The following MFF variants were observed in gnomAD, a reference collection of about 807,000 sequenced individuals.
The protein encoded by MFF is chromosome 2 open reading frame 33.
MFF carries 12 observed loss-of-function variants against 36.9 expected under a neutral mutation model. The ratio of observed to expected loss-of-function variants is 0.33; its 90% CI spans 0.21 to 0.53. MFF has a LOEUF of 0.53. MFF is among the 20% of genes least tolerant of loss of function. The probability of loss-of-function intolerance (pLI) is 0.95; values close to 1 mark genes in which losing one functional copy is unlikely to be tolerated. For synonymous variants in MFF, 99 were observed against 126.2 expected (o/e 0.78, Z 1.44); for missense variants, 348 against 366.6 (o/e 0.95, Z 0.42).
At chr2:227,339,897 A>G (rs1252211367) in intron 4 of MFF, among the ~76,000 whole-genome samples, 9 of 152,250 alleles carry the variant, frequency 5.9e-5, no homozygotes, top group Admixed American at 4.6e-4. Flanking sequence ...AGGAAGGTTT[A>G]TTTATAATAC....
At chr2:227,351,174 G>A (rs2075976973) in intron 6 of MFF, among the ~76,000 whole-genome samples, 1 of 152,126 alleles carries the variant, frequency 6.6e-6, no homozygotes, top group South Asian at 2.1e-4. Flanking sequence ...ATGCCACAGA[G>A]TAAATATGTT....
At position 227,357,403 on chromosome 2, in the gene MFF, AT is replaced by A. The variant is rs1191777751; in HGVS notation, c.*292del. ...CAGTTTTGTTTTTTAAAAGGAATTT[AT>A]TTTTTGCCTCATCAGTCCACCCAAC... On this transcript the variant is annotated 3_prime_UTR_variant, in exon 9 of 9. Transcript: ENST00000304593. The A allele has an allele frequency of 2.1e-5, 5 of 243,086 alleles. No individual in the cohort carries two copies. Among genetic ancestry groups the A allele is most frequent in the Non-Finnish European group, 2.4e-5 (3 of 124,668 alleles). 15.1% of individuals were successfully genotyped at this position (243,086 alleles called of 1,614,324 possible). A position where few individuals can be genotyped will look rare whatever the true frequency, so the allele number is the denominator to read the frequency against.
At chr2:227,356,088 C>A (rs1172241789) in intron 8 of MFF, among the ~76,000 whole-genome samples, 1 of 152,144 alleles carries the variant, frequency 6.6e-6, no homozygotes, top group Admixed American at 6.5e-5. Flanking sequence ...TTAATAACTC[C>A]ATTTTGGAAA....
chr2:227,341,000 T>G (rs2075358655), intron 5 of MFF, among the ~76,000 whole-genome samples: 1 of 36,980 alleles, frequency 2.7e-5, no homozygotes, highest in Non-Finnish European at 1.6e-4. Context: ...TATTTCTTCC[T>G]CATTAATGTT....
chr2:227,345,648 A>G (rs6720962), intron 5 of MFF, among the ~76,000 whole-genome samples: 15,159 of 152,206 alleles, frequency 0.1, 1,218 homozygotes, highest in African/African-American at 0.21. Flanking sequence ...TAAGACTAAC[A>G]TATAGTTTTG....
chr2:227,349,196 TA>T (rs1277329634), intron 6 of MFF, among the ~76,000 whole-genome samples: 1 of 152,046 alleles, frequency 6.6e-6, no homozygotes, highest in African/African-American at 2.4e-5. Flanking sequence ...GAAAAAAAAT[TA>T]TTTGTCCCAA....
chr2:227,341,565 T>C (rs1314209423), intron 5 of MFF, among the ~76,000 whole-genome samples: 1 of 152,120 alleles, frequency 6.6e-6, no homozygotes, highest in South Asian at 2.1e-4. Context: ...ATTTTTTGAT[T>C]GTGTTTTCCC....
chr2:227,329,370 T>G (rs968446593), intron 2 of MFF: 2 of 219,252 alleles, frequency 9.1e-6, no homozygotes, highest in African/African-American at 4.8e-5. Context: ...TTGATACAGC[T>G]TCTCTGTATC....
Position 227,332,539 on chromosome 2 carries a change from T to G in MFF, c.302T>G (p.Leu101Arg). Residue 101 changes from leucine (L) to arginine (R), a missense_variant, in exon 4 of 9, where the codon CTA (leucine) becomes CGA (arginine). Coordinates refer to ENST00000304593, the MANE Select transcript of MFF (RefSeq NM_001277062.2). ...PRVLTLSERP[L>R]DFLDLERPPT... ...GTACTTACGCTGAGTGAAAGACCACTAGATTTTCTGGATTTAGAAAGACCT... is the reference window on the plus strand; with the variant it reads ...GTACTTACGCTGAGTGAAAGACCACGAGATTTTCTGGATTTAGAAAGACCT... 1 of 1,613,506 alleles carries G rather than the reference T, an allele frequency of 6.2e-7. No individual in the cohort carries two copies. Among genetic ancestry groups the G allele is most frequent in the Non-Finnish European group, 8.5e-7 (1 of 1,179,572 alleles).
chr2:227,350,605 T>C (rs2075946678), intron 6 of MFF, among the ~76,000 whole-genome samples: 1 of 152,162 alleles, frequency 6.6e-6, no homozygotes, highest in South Asian at 2.1e-4. Flanking sequence ...ACAGCGTTTG[T>C]TATTTATAAT....
chr2:227,331,967 T>A (rs973318765), intron 3 of MFF, among the ~76,000 whole-genome samples: 5,257 of 113,696 alleles, frequency 0.046, 388 homozygotes, highest in African/African-American at 0.097. Flanking sequence ...GCATTTTTTT[T>A]TTTTTTTTTT....
intron 5 of MFF, 60 bp downstream of exon 5, chr2:227,340,440 C>T: frequency 8.0e-7 from 1 of 1,242,400 alleles, no homozygotes; most frequent in South Asian, 1.4e-5. Flanking sequence ...ATTTTCTGTA[C>T]CCATGTTTTT....
rs755742738 is a variant in MFF at position 227,352,498 on chromosome 2, CA to C, written c.600-11del. 16 of 1,482,002 alleles carry C rather than the reference CA, an allele frequency of 1.1e-5. No homozygotes were observed. The highest frequency in any genetic ancestry group is 1.5e-5 in the Non-Finnish European group (16 of 1,101,924). 91.8% of individuals were successfully genotyped at this position (1,482,002 alleles called of 1,614,324 possible). A position where few individuals can be genotyped will look rare whatever the true frequency, so the allele number is the denominator to read the frequency against. On this transcript the variant is annotated splice_polypyrimidine_tract_variant and intron_variant, in intron 6 of 8. Transcript: ENST00000304593. The stretch of plus-strand genomic sequence containing the variant: ...TGATTCTGTCTTGTGCCTTCTCCCG[CA>C]AAAACCTGCCTTAGACCTGTGTTGC...
At chr2:227,346,526 C>G (rs565991722) in intron 5 of MFF, among the ~76,000 whole-genome samples, 1 of 152,290 alleles carries the variant, frequency 6.6e-6, no homozygotes, top group South Asian at 2.1e-4. Flanking sequence ...CTAAGAAGCC[C>G]AGAAATGGTT....
At position 227,352,564 on chromosome 2, in the gene MFF, A is replaced by G; in HGVS notation, c.650A>G (p.Asp217Gly). ...SAAATSNPHH[D>G]NVRYGISNID... Reference sequence around the variant, plus strand: ...GCCGCCACTTCTAATCCTCATCATGACAACGTCAGGTAAATTTTGAGACTT... The same window carrying G: ...GCCGCCACTTCTAATCCTCATCATGGCAACGTCAGGTAAATTTTGAGACTT... The change falls in exon 7 of 9, where the codon GAC becomes GGC. Residue 217 changes from aspartate (D) to glycine (G), a missense_variant. Coordinates refer to ENST00000304593, the MANE Select transcript of MFF (RefSeq NM_001277062.2). The G allele has an allele frequency of 1.2e-6, 2 of 1,613,648 alleles. No individual in the cohort carries two copies. Among genetic ancestry groups the G allele is most frequent in the Non-Finnish European group, 1.7e-6 (2 of 1,179,684 alleles).
At chr2:227,342,783 C>G (rs2075469532) in intron 5 of MFF, 1 of 1,613,660 alleles carries the variant, frequency 6.2e-7, no homozygotes, top group African/African-American at 1.3e-5. Flanking sequence ...AATAAAATTT[C>G]AAGGTTCCAG....
intron 5 of MFF, among the ~76,000 whole-genome samples, chr2:227,341,986 T>G (rs1447510412): frequency 1.3e-5 from 2 of 152,120 alleles, no homozygotes; most frequent in Non-Finnish European, 2.9e-5. Context: ...CAGTGAAGTA[T>G]AATTTAGAGT....
At chr2:227,348,023 G>A (rs1005478949) in intron 6 of MFF, among the ~76,000 whole-genome samples, 5 of 151,948 alleles carry the variant, frequency 3.3e-5, no homozygotes, top group African/African-American at 9.7e-5. Context: ...AGTACTTTTT[G>A]TCCTTGCTTT....
At chr2:227,344,144 G>A (rs2075575287) in intron 5 of MFF, among the ~76,000 whole-genome samples, 1 of 152,128 alleles carries the variant, frequency 6.6e-6, no homozygotes, top group South Asian at 2.1e-4. Flanking sequence ...ATGAGGTAGA[G>A]CTATTACTAA....
Sources: allele counts gnomAD v4.1 joint callset (sites outside exome capture counted in the v4.1 genomes callset), GRCh38; gene constraint gnomAD v4.1.1; transcripts MANE v1.5; gene names NCBI Gene and HGNC (gene_info 2026-07-23, HGNC 2026-07-21).